Variants in SPATA13 observed in about 807,000 individuals in gnomAD.
SPATA13 encodes spermatogenesis associated 13.
In SPATA13, 50 loss-of-function variants were observed where a neutral mutation model predicts 104.0. That is an observed-to-expected ratio of 0.48 (90% CI 0.38 to 0.61). The LOEUF is 0.61. Among genes scored for constraint, SPATA13 ranks in the 20% least tolerant of loss-of-function variants. The probability of loss-of-function intolerance (pLI) is 0.00; values close to 1 mark genes in which losing one functional copy is unlikely to be tolerated. For missense variants in SPATA13, 1,524 were observed against 1,690.6 expected, an observed-to-expected ratio of 0.90 and a Z score of 1.73; for synonymous variants, 606 against 667.5, an observed-to-expected ratio of 0.91 and a Z score of 1.42.
intron 1 of SPATA13, among the ~76,000 whole-genome samples, chr13:24,195,042 C>T (rs1029039333): frequency 2.0e-5 from 3 of 152,160 alleles, no homozygotes; most frequent in Non-Finnish European, 4.4e-5. Context: ...ACAGCTGTTG[C>T]CACTGATTCC....
chr13:24,090,009 C>T (rs768198330), intron 3 of SPATA13, among the ~76,000 whole-genome samples: 11 of 152,208 alleles, frequency 7.2e-5, no homozygotes, highest in Non-Finnish European at 1.2e-4. Flanking sequence ...CCTTCAGGAC[C>T]TAATCACCTC....
chr13:24,090,611 C>G (rs1879880433), intron 3 of SPATA13, among the ~76,000 whole-genome samples: 1 of 152,190 alleles, frequency 6.6e-6, no homozygotes, highest in African/African-American at 2.4e-5. Context: ...ACTGTCCCTA[C>G]CCCACTTAGA....
chr13:23,981,571 C>A (rs1178196032), intron 1 of SPATA13, among the ~76,000 whole-genome samples: 1 of 152,180 alleles, frequency 6.6e-6, no homozygotes, highest in Non-Finnish European at 1.5e-5. Context: ...CCAGGACAGC[C>A]CCTGCTACTG....
At chr13:24,290,999 G>A in intron 9 of SPATA13, 115 bp downstream of exon 9, 2 of 785,678 alleles carry the variant, frequency 2.5e-6, no homozygotes, top group Non-Finnish European at 4.1e-6. Context: ...CACTTTGGGA[G>A]CTCCATGGGA....
At chr13:24,218,680 C>T (rs1324699028) in intron 1 of SPATA13, among the ~76,000 whole-genome samples, 4 of 151,180 alleles carry the variant, frequency 2.6e-5, no homozygotes, top group African/African-American at 7.3e-5. Context: ...AACACAAATT[C>T]GTAAACTTTG....
At chr13:24,023,914 G>A (rs1018238236) in intron 3 of SPATA13, among the ~76,000 whole-genome samples, 3 of 152,222 alleles carry the variant, frequency 2.0e-5, no homozygotes, top group Non-Finnish European at 2.9e-5. Flanking sequence ...CATGGGTGGG[G>A]ATTTGTTCAG....
chr13:24,142,177 G>A (rs898558555), intron 3 of SPATA13, among the ~76,000 whole-genome samples: 1 of 149,634 alleles, frequency 6.7e-6, no homozygotes, highest in Admixed American at 6.7e-5. Flanking sequence ...TTCTCCCAGT[G>A]CCCCCCTCCC....
At position 24,245,584 on chromosome 13, in the gene SPATA13, CTT is replaced by C. The variant is rs61316306; in HGVS notation, c.1654-3870_1654-3869del. Among the ~76,000 whole-genome samples the C allele has an allele frequency of 3.8e-3, 336 of 88,636 alleles. 1 individual carries two copies. The highest frequency in any genetic ancestry group is 0.012 in the African/African-American group (255 of 21,022). 58.1% of individuals were successfully genotyped at this position (88,636 alleles called of 152,430 possible). A position where few individuals can be genotyped will look rare whatever the true frequency, so the allele number is the denominator to read the frequency against. On this transcript the variant is annotated intron_variant, in intron 2 of 12. Coordinates refer to ENST00000382108, the MANE Select transcript of SPATA13 (RefSeq NM_001166271.3). ...ACTGAACGTAGAATTACAGTTGTTT[CTT>C]TTTTTTTTTTTTTTTTTTTTTTAGA...
At chr13:24,136,721 C>T (rs1431937894) in intron 3 of SPATA13, among the ~76,000 whole-genome samples, 2 of 152,144 alleles carry the variant, frequency 1.3e-5, no homozygotes, top group South Asian at 2.1e-4. Flanking sequence ...AAGACTGGCA[C>T]ATAGTAGGCC....
At chr13:24,235,670 T>C (rs1872531086) in intron 2 of SPATA13, among the ~76,000 whole-genome samples, 1 of 152,184 alleles carries the variant, frequency 6.6e-6, no homozygotes, top group South Asian at 2.1e-4. Context: ...GGTGGGAGGA[T>C]TGCTGGAGCC....
intron 8 of SPATA13, among the ~76,000 whole-genome samples, chr13:24,289,974 C>A (rs977968230): frequency 6.6e-6 from 1 of 152,186 alleles, no homozygotes; most frequent in East Asian, 1.9e-4. Context: ...TTAAGTTAGT[C>A]AGCTGGAGGC....
intron 3 of SPATA13, among the ~76,000 whole-genome samples, chr13:24,048,840 C>G (rs1952100): frequency 1.3e-5 from 2 of 152,024 alleles, no homozygotes; most frequent in African/African-American, 4.8e-5. Flanking sequence ...GCAAATTTAT[C>G]GCATCCAGGA....
At chr13:24,229,072 G>C (rs1485820766) in intron 2 of SPATA13, among the ~76,000 whole-genome samples, 2 of 152,218 alleles carry the variant, frequency 1.3e-5, no homozygotes, top group African/African-American at 4.8e-5. Flanking sequence ...TTAAGCTTGT[G>C]ACCTGTTTTA....
intron 3 of SPATA13, among the ~76,000 whole-genome samples, chr13:24,059,870 T>C (rs1878715468): frequency 6.6e-6 from 1 of 152,214 alleles, no homozygotes; most frequent in Non-Finnish European, 1.5e-5. Context: ...TGACCAGGAC[T>C]TCTAATACTA....
intron 2 of SPATA13, among the ~76,000 whole-genome samples, chr13:24,238,856 C>T (rs1343850800): frequency 1.3e-5 from 2 of 152,178 alleles, no homozygotes; most frequent in Admixed American, 6.5e-5. Context: ...AAATATTTGG[C>T]AGCAGAACAC....
At chr13:24,076,245 G>A (rs1879322618) in intron 3 of SPATA13, among the ~76,000 whole-genome samples, 1 of 152,176 alleles carries the variant, frequency 6.6e-6, no homozygotes, top group Admixed American at 6.5e-5. Flanking sequence ...GTTCTTAAAA[G>A]TTGATTATTA....
chr13:24,250,044 A>G (rs1006682791), intron 3 of SPATA13, among the ~76,000 whole-genome samples: 7 of 152,214 alleles, frequency 4.6e-5, no homozygotes, highest in East Asian at 1.9e-4. Flanking sequence ...GCCTTTTGCT[A>G]ATCTTTCTTT....
chr13:24,224,073 G>C lies in SPATA13; in HGVS notation c.1144G>C (p.Gly382Arg), dbSNP rs1273096128. ...DSRRGGAVMH[G>R]TTATCTVAPG... ...CAGGCGGGGCGGGGCGGTCATGCAT[G>C]GGACCACTGCAACCTGCACCGTGGC... The change falls in exon 2 of 13, where the codon GGG (glycine) becomes CGG (arginine). Residue 382 changes from glycine (G) to arginine (R), a missense_variant. Physicochemically the swap from Gly to Arg is moderately radical, Grantham distance 125. Transcript: ENST00000382108. 3 of 1,550,558 alleles carry C rather than the reference G, an allele frequency of 1.9e-6. No homozygotes were observed. The Admixed American group carries it at 5.9e-5, about 30-fold the overall frequency.
intron 4 of SPATA13, among the ~76,000 whole-genome samples, chr13:24,279,671 T>C (rs1875349154): frequency 6.6e-6 from 1 of 152,152 alleles, no homozygotes; most frequent in African/African-American, 2.4e-5. Context: ...AACCTCTGAA[T>C]AGATAAAACA....
Sources: gnomAD v4.1 joint callset for allele counts (sites outside exome capture counted in the v4.1 genomes callset) on GRCh38, gnomAD v4.1.1 for gene constraint, MANE v1.5 for transcripts, NCBI Gene and HGNC (gene_info 2026-07-23, HGNC 2026-07-21) for gene names.